The following S100A2 variants were observed in gnomAD, a reference collection of about 807,000 sequenced individuals.
S100A2 encodes S100 calcium binding protein A2.
S100A2 carries 5 observed loss-of-function variants against 4.3 expected under a neutral mutation model. The observed-to-expected ratio is 1.16, with a 90% CI of 0.61 to 2.44. The LOEUF (loss-of-function observed/expected upper bound fraction) is 2.44. S100A2 is among the 30% of genes most tolerant of loss of function. The pLI is 0.01. For missense variants in S100A2, 103 were observed against 114.7 expected, an observed-to-expected ratio of 0.90 and a Z score of 0.47; for synonymous variants, 44 against 46.0, an observed-to-expected ratio of 0.96 and a Z score of 0.17.
chr1:153,564,201 G>A lies in S100A2; in HGVS notation c.-10-314C>T, dbSNP rs1571249689. On this transcript the variant is annotated intron_variant, in intron 1 of 2. Transcript: ENST00000368708. ...TGTCTGCCAGAAGGGAAATGACAGG[G>A]TGACCAGAGTCCCATTTTGATGGCA... is the stretch of plus-strand genomic sequence containing the variant. 5 of 259,060 alleles carry A rather than the reference G, an allele frequency of 1.9e-5. No homozygotes were observed. In the East Asian group the frequency reaches 4.1e-4, roughly 21 times the overall value. The allele number at this position is 259,060 out of a possible 1,614,324, so 16.0% of individuals were successfully genotyped here. A position where few individuals can be genotyped will look rare whatever the true frequency, so the allele number is the denominator to read the frequency against.
chr1:153,563,714 C>T lies in S100A2; in HGVS notation c.144+20G>A. 3 of 1,606,986 alleles carry T rather than the reference C, an allele frequency of 1.9e-6. No individual in the cohort carries two copies. Among genetic ancestry groups the T allele is most frequent in the Non-Finnish European group, 2.6e-6 (3 of 1,176,170 alleles). Reference sequence around the variant, plus strand: ...CCCACACTCACACCAGGACCTCCCCCACAGGCCTGTGCCACTCACCCCCAC... The same window carrying T: ...CCCACACTCACACCAGGACCTCCCCTACAGGCCTGTGCCACTCACCCCCAC... On this transcript the variant is annotated intron_variant, in intron 2 of 2. Coordinates refer to ENST00000368708, the MANE Select transcript of S100A2 (RefSeq NM_005978.4).
chr1:153,561,728 G>A (rs956196373), intron 2 of S100A2, 137 bp from the exon 3 acceptor site: 2 of 1,204,424 alleles, frequency 1.7e-6, no homozygotes, highest in Admixed American at 2.1e-5. Context: ...GTGGGCAGGA[G>A]GCCCTGGGAG....
rs74115482 is a variant in S100A2, at chr1:153,563,649, G to A, written c.144+85C>T. 2.0e-3 allele frequency: 3,236 copies of A among 1,584,760 alleles called. 60 individuals are homozygous for A. The African/African-American group carries it at 0.039, about 19-fold the overall frequency. ...TGGGCCCCACCCTGGCACCTGCATC[G>A]ACAGGCACCCGGAACTGGGGGAGAG... is the stretch of plus-strand genomic sequence containing the variant. On this transcript the variant is annotated intron_variant, in intron 2 of 2. Transcript: ENST00000368708.
At chr1:153,561,808 C>G (rs979931334) in intron 2 of S100A2, among the ~76,000 whole-genome samples, 1 of 152,224 alleles carries the variant, frequency 6.6e-6, no homozygotes, top group Admixed American at 6.5e-5. Flanking sequence ...GTGTGCCCTC[C>G]TCCTGGACAC....
At chr1:153,563,287 G>T in intron 2 of S100A2, 2 of 895,484 alleles carry the variant, frequency 2.2e-6, no homozygotes, top group Middle Eastern at 2.3e-4. Context: ...CAGGAGAATT[G>T]CTTGACCCCT....
At chr1:153,561,642 T>C in intron 2 of S100A2, 51 bp from the exon 3 acceptor site, 2 of 1,612,624 alleles carry the variant, frequency 1.2e-6, no homozygotes, top group Non-Finnish European at 1.7e-6. Context: ...CAACCCCAGC[T>C]CCACCAAACA....
chr1:153,562,181 G>T (rs754394842), intron 2 of S100A2, among the ~76,000 whole-genome samples: 4 of 151,996 alleles, frequency 2.6e-5, no homozygotes, highest in Non-Finnish European at 5.9e-5. Flanking sequence ...GGCTGGTCTT[G>T]GCAACCAGAG....
intron 1 of S100A2, among the ~76,000 whole-genome samples, chr1:153,564,705 C>A (rs1047379598): frequency 3.3e-5 from 5 of 151,978 alleles, no homozygotes; most frequent in Admixed American, 1.3e-4. Context: ...AGGAGCTATG[C>A]CAGAGGCAGG....
chr1:153,561,392 C>A lies in S100A2; in HGVS notation c.*47G>T, dbSNP rs1225694904. 5.1e-6 allele frequency: 8 copies of A among 1,580,426 alleles called. No homozygotes were observed. The highest frequency in any genetic ancestry group is 6.9e-6 in the Non-Finnish European group (8 of 1,161,174). On this transcript the variant is annotated 3_prime_UTR_variant, in exon 3 of 3. Transcript: ENST00000368708. The stretch of plus-strand genomic sequence containing the variant: ...TGAATACAAAACTCAAAGGCATCAA[C>A]AGTCCTGGGCCCAAGAGATCCATGG...
In S100A2 at chr1:153,561,431, G is replaced by A. The variant is rs1196420834; in HGVS notation, c.*8C>T. On this transcript the variant is annotated 3_prime_UTR_variant, in exon 3 of 3. Coordinates refer to ENST00000368708, the MANE Select transcript of S100A2 (RefSeq NM_005978.4). ...AGAGATCCATGGCAGGAAGTCAAGA[G>A]TTCTGCTTCAGGGTCGGTCTGGGCA... 2 of 1,609,408 alleles carry A rather than the reference G, an allele frequency of 1.2e-6. No individual in the cohort carries two copies. Among genetic ancestry groups the A allele is most frequent in the Non-Finnish European group, 1.7e-6 (2 of 1,176,104 alleles).
rs1039236394 is a variant in S100A2 at position 153,561,951 on chromosome 1, G to A, written c.145-360C>T. On this transcript the variant is annotated intron_variant, in intron 2 of 2. Coordinates refer to ENST00000368708, the MANE Select transcript of S100A2 (RefSeq NM_005978.4). ...GCTGCTCCCCAACACCAGCCAGGTAGATTCAGAAAAGAACACTTTTTATTT... is the reference window on the plus strand; with the variant it reads ...GCTGCTCCCCAACACCAGCCAGGTAAATTCAGAAAAGAACACTTTTTATTT... Among the ~76,000 whole-genome samples, 7 of 152,224 alleles carry A rather than the reference G, an allele frequency of 4.6e-5. No individual in the cohort carries two copies. The South Asian group carries it at 1.4e-3, about 31-fold the overall frequency.
chr1:153,561,316 T>C lies in S100A2; in HGVS notation c.*123A>G. 6 of 1,253,936 alleles carry C rather than the reference T, an allele frequency of 4.8e-6. No individual in the cohort carries two copies. Among genetic ancestry groups the C allele is most frequent in the Non-Finnish European group, 3.3e-6 (3 of 898,554 alleles). 77.7% of individuals were successfully genotyped at this position (1,253,936 alleles called of 1,614,324 possible). The stretch of plus-strand genomic sequence containing the variant: ...CACTCCAGCTGAGCCAGCCGGGTTA[T>C]GGAACATCACTGAGCAATTAAAATA... On this transcript the variant is annotated 3_prime_UTR_variant, in exon 3 of 3. Coordinates refer to ENST00000368708, the MANE Select transcript of S100A2 (RefSeq NM_005978.4).
intron 2 of S100A2, among the ~76,000 whole-genome samples, chr1:153,562,792 C>A (rs1665922076): frequency 1.3e-5 from 2 of 151,700 alleles, no homozygotes; most frequent in East Asian, 3.9e-4. Flanking sequence ...GGAGTTCAAG[C>A]CCAGCCTGGA....
chr1:153,561,688 C>T (rs1414945112), intron 2 of S100A2, 97 bp from the exon 3 acceptor site: 1 of 1,565,990 alleles, frequency 6.4e-7, no homozygotes, highest in Non-Finnish European at 8.8e-7. Context: ...GTTCCCAGCT[C>T]TCCCTCCCCA....
At chr1:153,564,905 C>A (rs975107585) in intron 1 of S100A2, among the ~76,000 whole-genome samples, 1 of 149,008 alleles carries the variant, frequency 6.7e-6, no homozygotes, top group Admixed American at 6.7e-5. Context: ...CCCACATGCA[C>A]ACCTCCTGCT....
intron 1 of S100A2, among the ~76,000 whole-genome samples, chr1:153,565,168 C>T (rs1484791062): frequency 5.3e-5 from 8 of 151,744 alleles, no homozygotes; most frequent in African/African-American, 1.7e-4. Flanking sequence ...AAAAATTAGC[C>T]GGGCATGGTG....
rs533664847 is a variant in S100A2, at chr1:153,561,486, T to C, written c.250A>G (p.Thr84Ala). 10 of 1,614,166 alleles carry C rather than the reference T, an allele frequency of 6.2e-6. No individual in the cohort carries two copies. The South Asian group carries it at 1.1e-4, about 18-fold the overall frequency. ...QEYAVFLALI[T>A]VMCNDFFQGC... ...TGGAAGAAGTCATTGCACATGACAGTGATGAGTGCCAGGAAAACAGCATAC... is the reference window on the plus strand; with the variant it reads ...TGGAAGAAGTCATTGCACATGACAGCGATGAGTGCCAGGAAAACAGCATAC... The change falls in exon 3 of 3, where the codon ACT (threonine) becomes GCT (alanine). Residue 84 changes from threonine (T) to alanine (A), a missense_variant. Thr to Ala is a moderately conservative substitution (Grantham distance 58). Coordinates refer to ENST00000368708, the MANE Select transcript of S100A2 (RefSeq NM_005978.4).
chr1:153,561,538 G>C lies in S100A2; in HGVS notation c.198C>G (p.Asn66Lys), dbSNP rs201339583. 1.9e-6 allele frequency: 3 copies of C among 1,614,134 alleles called. No individual in the cohort carries two copies. The highest frequency in any genetic ancestry group is 2.5e-6 in the Non-Finnish European group (3 of 1,180,016). Residue 66 changes from asparagine to lysine, a missense_variant, in exon 3 of 3, where the codon AAC (asparagine) becomes AAG (lysine). By Grantham distance (94) the Asn-to-Lys change is moderately conservative. Coordinates refer to ENST00000368708, the MANE Select transcript of S100A2 (RefSeq NM_005978.4). The part of the protein sequence containing the change: ...LKKLMGSLDE[N>K]SDQQVDFQEY... ...CCTGGAAGTCCACCTGCTGGTCACT[G>C]TTCTCATCCAGGCTGCCCATCAGCT...
At chr1:153,561,945 C>T (rs1665903997) in intron 2 of S100A2, among the ~76,000 whole-genome samples, 1 of 152,200 alleles carries the variant, frequency 6.6e-6, no homozygotes, top group South Asian at 2.1e-4. Context: ...CAACACCAGC[C>T]AGGTAGATTC....
Sources: allele counts gnomAD v4.1 joint callset (sites outside exome capture counted in the v4.1 genomes callset), GRCh38; gene constraint gnomAD v4.1.1; transcripts MANE v1.5; gene names NCBI Gene and HGNC (gene_info 2026-07-23, HGNC 2026-07-21).